CREM: variants seen among roughly 807,000 people sequenced by gnomAD.
The protein encoded by CREM is cAMP-responsive element modulator.
Under a neutral mutation model 37.3 loss-of-function variants are expected in CREM, and 13 were observed. That is an observed-to-expected ratio of 0.35 (90% confidence interval 0.23 to 0.55). The LOEUF (loss-of-function observed/expected upper bound fraction) is 0.55. Ranked by LOEUF, CREM falls within the 20% of genes least tolerant of loss-of-function variation. The pLI is 0.88. For synonymous variants in CREM, 124 were observed against 120.2 expected (o/e 1.03, Z -0.21); for missense variants, 296 against 362.3 (o/e 0.82, Z 1.49).
At chr10:35,197,005 G>A (rs2095211033) in intron 6 of CREM, among the ~76,000 whole-genome samples, 1 of 151,620 alleles carries the variant, frequency 6.6e-6, no homozygotes, top group African/African-American at 2.4e-5. Context: ...AAGTAGCTGG[G>A]ACTACAGGCG....
intron 5 of CREM, among the ~76,000 whole-genome samples, chr10:35,180,219 T>TA (rs1428316306): frequency 6.6e-6 from 1 of 152,216 alleles, no homozygotes; most frequent in Non-Finnish European, 1.5e-5. Context: ...TTTCTGACTT[T>TA]AAAAAGAGCT....
At chr10:35,174,466 C>T (rs1375656600) in intron 3 of CREM, among the ~76,000 whole-genome samples, 1 of 152,106 alleles carries the variant, frequency 6.6e-6, no homozygotes, top group Non-Finnish European at 1.5e-5. Context: ...GTTAGTTTTC[C>T]AAGGGAATGA....
chr10:35,188,072 A>C, intron 5 of CREM, 128 bp from the exon 6 acceptor site: 1 of 899,862 alleles, frequency 1.1e-6, no homozygotes, highest in Non-Finnish European at 1.6e-6. Context: ...TCAATTCAGC[A>C]TAGAAAATAA....
chr10:35,177,843 G>A (rs16935902), intron 3 of CREM, among the ~76,000 whole-genome samples: 3 of 151,922 alleles, frequency 2.0e-5, no homozygotes, highest in East Asian at 1.9e-4. Context: ...GTGACAGCCC[G>A]GTGTAAAATG....
rs566918794 is a variant in CREM, at chr10:35,190,508, G to C, written c.598+2120G>C. Among the ~76,000 whole-genome samples, 67 of 152,198 alleles carry C rather than the reference G, an allele frequency of 4.4e-4. 1 individual carries two copies. The South Asian group carries it at 0.013, about 29-fold the overall frequency. On this transcript the variant is annotated intron_variant, in intron 6 of 7. Coordinates refer to ENST00000685392, the MANE Select transcript of CREM (RefSeq NM_183011.2). ...CTGAATCCCAGCGCCATACATGTTT[G>C]TTATCTCATAAAACAAGTTCCCCTT... is the stretch of plus-strand genomic sequence containing the variant.
At chr10:35,208,963 G>A (rs1216585980) in intron 7 of CREM, among the ~76,000 whole-genome samples, 1 of 152,154 alleles carries the variant, frequency 6.6e-6, no homozygotes, top group East Asian at 1.9e-4. Flanking sequence ...TGTGTTTAAT[G>A]CTTACATGAG....
intron 6 of CREM, among the ~76,000 whole-genome samples, chr10:35,197,752 C>T (rs191228132): frequency 1.7e-4 from 26 of 152,276 alleles, no homozygotes; most frequent in African/African-American, 6.0e-4. Flanking sequence ...CCACCGCGCT[C>T]GGCCTCATTT....
intron 3 of CREM, chr10:35,175,694 C>T: frequency 6.2e-7 from 1 of 1,614,062 alleles, no homozygotes; most frequent in East Asian, 2.2e-5. Flanking sequence ...GGACAGTAAC[C>T]ACCTCCCGAT....
rs11010106 is a variant in CREM, at chr10:35,139,122, T to C, written c.44+1243T>C. Among the ~76,000 whole-genome samples, 760 of 140,448 alleles carry C rather than the reference T, an allele frequency of 5.4e-3. 8 individuals carry two copies. The highest frequency in any genetic ancestry group is 0.019 in the African/African-American group (722 of 38,530). 92.1% of individuals were successfully genotyped at this position (140,448 alleles called of 152,430 possible). ...TTTGTAAATTTAAATATCTCCATTT[T>C]AGCAATTTTTTTTTTTTTTGAGACA... is the stretch of plus-strand genomic sequence containing the variant. On this transcript the variant is annotated intron_variant, in intron 2 of 7. Coordinates refer to ENST00000685392, the MANE Select transcript of CREM (RefSeq NM_183011.2).
intron 1 of CREM, among the ~76,000 whole-genome samples, chr10:35,129,236 G>A (rs943430781): frequency 1.3e-5 from 2 of 152,132 alleles, no homozygotes; most frequent in African/African-American, 4.8e-5. Context: ...AATTTTTATT[G>A]AATGCGTAAA....
chr10:35,183,458 A>T (rs2094436193), intron 5 of CREM, among the ~76,000 whole-genome samples: 1 of 152,194 alleles, frequency 6.6e-6, no homozygotes, highest in African/African-American at 2.4e-5. Context: ...AAATTTTTTA[A>T]GGCACTACTT....
At chr10:35,175,237 G>A (rs1308343885) in intron 3 of CREM, among the ~76,000 whole-genome samples, 1 of 151,482 alleles carries the variant, frequency 6.6e-6, no homozygotes, top group South Asian at 2.1e-4. Context: ...CACAAGGTCA[G>A]GAGATCGAGA....
chr10:35,185,081 C>T (rs2094498628), intron 5 of CREM, among the ~76,000 whole-genome samples: 1 of 150,120 alleles, frequency 6.7e-6, no homozygotes, highest in African/African-American at 2.5e-5. Flanking sequence ...TTTTGAGTGG[C>T]TGCTCTGTTC....
intron 6 of CREM, among the ~76,000 whole-genome samples, chr10:35,197,123 C>G (rs939518960): frequency 6.6e-6 from 1 of 151,936 alleles, no homozygotes; most frequent in Admixed American, 6.6e-5. Flanking sequence ...ATGCTGTATA[C>G]TTTTAACCAC....
At chr10:35,178,654 T>G (rs1175214927) in intron 3 of CREM, among the ~76,000 whole-genome samples, 1 of 152,230 alleles carries the variant, frequency 6.6e-6, no homozygotes, top group Non-Finnish European at 1.5e-5. Flanking sequence ...TTCTGTAGTA[T>G]AGAGTACCCG....
At chr10:35,201,589 A>T in intron 6 of CREM, 2 of 1,417,758 alleles carry the variant, frequency 1.4e-6, no homozygotes, top group South Asian at 1.3e-5. Flanking sequence ...TAATGACCAA[A>T]ATTGAGAGTT....
At chr10:35,131,004 A>T (rs181319600) in intron 1 of CREM, among the ~76,000 whole-genome samples, 18 of 152,338 alleles carry the variant, frequency 1.2e-4, no homozygotes, top group African/African-American at 4.3e-4. Flanking sequence ...TTATAAGTAG[A>T]GGAAATGCAT....
chr10:35,171,632 C>G (rs545204424), intron 3 of CREM, among the ~76,000 whole-genome samples: 1 of 152,204 alleles, frequency 6.6e-6, no homozygotes, highest in African/African-American at 2.4e-5. Flanking sequence ...GGCATTTCCC[C>G]ACAAAAAATG....
chr10:35,166,389 C>T (rs542199158), intron 3 of CREM, among the ~76,000 whole-genome samples: 66 of 151,946 alleles, frequency 4.3e-4, no homozygotes, highest in Middle Eastern at 3.4e-3. Flanking sequence ...GGTGAAACTC[C>T]GTCTCTACTA....
Sources: allele counts gnomAD v4.1 joint callset (sites outside exome capture counted in the v4.1 genomes callset), GRCh38; gene constraint gnomAD v4.1.1; transcripts MANE v1.5; gene names NCBI Gene and HGNC (gene_info 2026-07-23, HGNC 2026-07-21).